CPED1: variants seen among roughly 807,000 people sequenced by gnomAD.
CPED1 encodes the protein cadherin like and PC-esterase domain containing 1.
A neutral mutation model predicts 128.2 loss-of-function variants in CPED1; 114 were observed. The observed-to-expected ratio is 0.89, with a 90% confidence interval of 0.76 to 1.04. The LOEUF (loss-of-function observed/expected upper bound fraction) is 1.04, where lower values mean the gene tolerates loss of function less well. Ranked by LOEUF, CPED1 falls within the 50% of genes least tolerant of loss-of-function variation. The pLI is 0.00. For synonymous variants in CPED1, 462 were observed against 426.7 expected, an observed-to-expected ratio of 1.08 and a Z score of -1.02; for missense variants, 1,211 against 1,207.1, an observed-to-expected ratio of 1.00 and a Z score of -0.05.
intron 2 of CPED1, among the ~76,000 whole-genome samples, chr7:121,009,663 C>A (rs1792112867): frequency 7.2e-6 from 1 of 138,512 alleles, no homozygotes; most frequent in South Asian, 2.4e-4. Flanking sequence ...GACTAAAGAA[C>A]TAATAAATTT....
chr7:121,121,975 C>G (rs932708419), intron 7 of CPED1, among the ~76,000 whole-genome samples: 11 of 152,066 alleles, frequency 7.2e-5, no homozygotes, highest in African/African-American at 2.7e-4. Context: ...GAGTTAGTTA[C>G]AAGAACTGAT....
intron 16 of CPED1, among the ~76,000 whole-genome samples, chr7:121,180,217 T>C (rs1365752316): frequency 6.6e-6 from 1 of 152,070 alleles, no homozygotes; most frequent in African/African-American, 2.4e-5. Flanking sequence ...AAGTGACTCA[T>C]TATATTTTCA....
chr7:121,142,083 G>C lies in CPED1; in HGVS notation c.1997G>C (p.Arg666Thr). ...ATCACGTACAAACTCACCATCTATA[G>C]AGAAGACCGCCCAAGTCTGCCCTTG... Reference protein sequence around the residue: ...TLITYKLTIYREDRPSLPLFE... With the variant: ...TLITYKLTIYTEDRPSLPLFE... The change falls in exon 16 of 23, where the codon AGA becomes ACA. Residue 666 changes from arginine (R) to threonine (T), a missense_variant. Arg to Thr is a moderately conservative substitution (Grantham distance 71, BLOSUM62 -1). Transcript: ENST00000310396. 1 of 1,612,670 alleles carries C rather than the reference G, an allele frequency of 6.2e-7. No individual in the cohort carries two copies. Among genetic ancestry groups the C allele is most frequent in the Non-Finnish European group, 8.5e-7 (1 of 1,179,030 alleles).
At chr7:121,180,759 G>A (rs755030540) in intron 16 of CPED1, among the ~76,000 whole-genome samples, 1 of 151,970 alleles carries the variant, frequency 6.6e-6, no homozygotes, top group Non-Finnish European at 1.5e-5. Context: ...TCTACCTATA[G>A]GCTTTAAAAT....
In CPED1 at chr7:121,030,110, G is replaced by A. The variant is rs116111678; in HGVS notation, c.433+14262G>A. On this transcript the variant is annotated intron_variant, in intron 3 of 22. Coordinates refer to ENST00000310396, the MANE Select transcript of CPED1 (RefSeq NM_024913.5). ...GAGATAACATGGTTAACAATGTTGTGCATATTTCCAGGAATCTTTTTAAGC... is the reference window on the plus strand; with the variant it reads ...GAGATAACATGGTTAACAATGTTGTACATATTTCCAGGAATCTTTTTAAGC... Among the ~76,000 whole-genome samples the A allele has an allele frequency of 3.0e-3, 456 of 152,136 alleles. 4 individuals carry two copies. The highest frequency in any genetic ancestry group is 0.01 in the African/African-American group (424 of 41,508).
chr7:121,290,920 G>T (rs907902763), intron 22 of CPED1, among the ~76,000 whole-genome samples: 1 of 152,138 alleles, frequency 6.6e-6, no homozygotes, highest in African/African-American at 2.4e-5. Context: ...TTCTTCTAGG[G>T]TTTTTATGGT....
intron 16 of CPED1, among the ~76,000 whole-genome samples, chr7:121,182,928 A>G (rs923581205): frequency 9.9e-5 from 15 of 151,516 alleles, no homozygotes; most frequent in Non-Finnish European, 4.4e-5. Flanking sequence ...ACTCCCCTTT[A>G]TGCTAGCATT....
chr7:121,031,589 G>C (rs1409387131), intron 3 of CPED1, among the ~76,000 whole-genome samples: 2 of 152,150 alleles, frequency 1.3e-5, no homozygotes, highest in Non-Finnish European at 2.9e-5. Flanking sequence ...CACTCAGCCA[G>C]TCTCTGCCAA....
intron 3 of CPED1, among the ~76,000 whole-genome samples, chr7:121,028,026 T>A (rs1792639687): frequency 6.6e-6 from 1 of 152,196 alleles, no homozygotes; most frequent in African/African-American, 2.4e-5. Context: ...CCTGTCTGGA[T>A]GTTTGCCTGA....
At chr7:121,026,573 A>C (rs1429194954) in intron 3 of CPED1, among the ~76,000 whole-genome samples, 1 of 152,020 alleles carries the variant, frequency 6.6e-6, no homozygotes, top group African/African-American at 2.4e-5. Context: ...TTACTTAAGG[A>C]ACTTAAAAAT....
At chr7:121,074,856 T>C (rs1794082802) in intron 5 of CPED1, among the ~76,000 whole-genome samples, 1 of 152,152 alleles carries the variant, frequency 6.6e-6, no homozygotes, top group South Asian at 2.1e-4. Context: ...GCATTTTCAA[T>C]ACAAGATAAA....
chr7:121,047,533 G>A (rs1793229716), intron 4 of CPED1, among the ~76,000 whole-genome samples: 1 of 151,976 alleles, frequency 6.6e-6, no homozygotes, highest in Admixed American at 6.6e-5. Context: ...TACCTATAAC[G>A]AATCTGTACG....
At position 121,161,484 on chromosome 7, in the gene CPED1, C is replaced by G. The variant is rs564272972; in HGVS notation, c.2055+19343C>G. ...TCTCTCTGTCTTTCCTATCTCTGAC[C>G]TCTAGACCCAGATTTTAGCTCCCTA... On this transcript the variant is annotated intron_variant, in intron 16 of 22. Coordinates refer to ENST00000310396, the MANE Select transcript of CPED1 (RefSeq NM_024913.5). Among the ~76,000 whole-genome samples the G allele has an allele frequency of 2.0e-5, 3 of 152,272 alleles. No homozygotes were observed. In the East Asian group the frequency reaches 5.8e-4, roughly 29 times the overall value.
Position 121,271,292 on chromosome 7 carries a change from A to G in CPED1, c.2730A>G (p.Val910=). ...DGVHFLTQSE[V]QNLWKENLII... The stretch of plus-strand genomic sequence containing the variant: ...TTCTGCTTTCCAATCAGAGTGAAGT[A>G]CAGAACTTATGGAAAGAAAATTTGA... The change falls in exon 22 of 23, where the codon GTA becomes GTG. Residue 910 remains valine, a synonymous_variant. Transcript: ENST00000310396. The G allele has an allele frequency of 1.9e-6, 3 of 1,611,062 alleles. No individual in the cohort carries two copies. Among genetic ancestry groups the G allele is most frequent in the Non-Finnish European group, 2.5e-6 (3 of 1,178,162 alleles).
chr7:121,057,686 C>T (rs1793537411), intron 4 of CPED1, among the ~76,000 whole-genome samples: 1 of 152,170 alleles, frequency 6.6e-6, no homozygotes, highest in Admixed American at 6.5e-5. Flanking sequence ...TTGACTCATT[C>T]ATTCATTCAT....
chr7:121,002,948 G>T (rs914370275), intron 2 of CPED1, among the ~76,000 whole-genome samples: 3 of 152,158 alleles, frequency 2.0e-5, no homozygotes, highest in African/African-American at 7.2e-5. Context: ...CATACCCTGT[G>T]ACATCTAGCA....
intron 16 of CPED1, among the ~76,000 whole-genome samples, chr7:121,143,360 A>G (rs116351473): frequency 2.0e-5 from 3 of 152,122 alleles, no homozygotes; most frequent in Admixed American, 6.6e-5. Context: ...CATTTATAGT[A>G]CGGAAAATAT....
In CPED1 at chr7:121,125,143, TAAAAC is replaced by T. The variant is rs532054118; in HGVS notation, c.1061+672_1062-671del. ...GTATATTTTTATTTTCTATAAGAAA[TAAAAC>T]AGAATCCAAATCCAAAAATTTATCA... On this transcript the variant is annotated intron_variant, in intron 8 of 22. Coordinates refer to ENST00000310396, the MANE Select transcript of CPED1 (RefSeq NM_024913.5). 4.3e-3 allele frequency among the ~76,000 whole-genome samples: 653 copies of T among 152,204 alleles called. 4 individuals carry two copies. Among genetic ancestry groups the T allele is most frequent in the Middle Eastern group, 0.02 (6 of 294 alleles).
intron 5 of CPED1, 41 bp downstream of exon 5, chr7:121,064,354 T>C: frequency 7.3e-7 from 1 of 1,373,542 alleles, no homozygotes; most frequent in Non-Finnish European, 1.0e-6. Flanking sequence ...ACATGTGAGA[T>C]ATGCAGGCTC....
Sources: gnomAD v4.1 joint callset for allele counts (sites outside exome capture counted in the v4.1 genomes callset) on GRCh38, gnomAD v4.1.1 for gene constraint, MANE v1.5 for transcripts, NCBI Gene and HGNC (gene_info 2026-07-23, HGNC 2026-07-21) for gene names.